Variants in GRXCR1 observed in about 807,000 individuals in gnomAD.
GRXCR1 encodes the protein glutaredoxin domain-containing cysteine-rich protein 1.
A neutral mutation model predicts 27.3 loss-of-function variants in GRXCR1; 27 were observed. The observed-to-expected ratio is 0.99, with a 90% CI of 0.73 to 1.37. The LOEUF is 1.37. Among genes scored for constraint, GRXCR1 ranks in the 40% most tolerant of loss-of-function variants. The probability of loss-of-function intolerance (pLI) is 0.00; values close to 1 mark genes in which losing one functional copy is unlikely to be tolerated. For synonymous variants in GRXCR1, 122 were observed against 131.1 expected (o/e 0.93, Z 0.47); for missense variants, 379 against 354.4 (o/e 1.07, Z -0.56).
intron 2 of GRXCR1, among the ~76,000 whole-genome samples, chr4:42,981,428 C>G (rs1197305302): frequency 6.6e-6 from 1 of 152,036 alleles, no homozygotes; most frequent in South Asian, 2.1e-4. Context: ...TTATGAATTT[C>G]AATAGCTTTG....
At chr4:43,029,714 CTG>C (rs539910521) in intron 3 of GRXCR1, among the ~76,000 whole-genome samples, 1 of 152,076 alleles carries the variant, frequency 6.6e-6, no homozygotes, top group Non-Finnish European at 1.5e-5. Context: ...CTCTAAATTT[CTG>C]TGTTTGTTTT....
At chr4:42,937,929 C>CAATTGAAT (rs772798053) in intron 1 of GRXCR1, among the ~76,000 whole-genome samples, 1 of 151,892 alleles carries the variant, frequency 6.6e-6, no homozygotes, top group African/African-American at 2.4e-5. Flanking sequence ...ATAAACATTT[C>CAATTGAAT]AATTGAATTC....
At chr4:42,918,396 A>T (rs1746934549) in intron 1 of GRXCR1, among the ~76,000 whole-genome samples, 1 of 152,062 alleles carries the variant, frequency 6.6e-6, no homozygotes, top group African/African-American at 2.4e-5. Flanking sequence ...CAAATATTCA[A>T]ACCATAAAGT....
At chr4:43,003,575 T>C (rs941776584) in intron 2 of GRXCR1, among the ~76,000 whole-genome samples, 1 of 152,184 alleles carries the variant, frequency 6.6e-6, no homozygotes, top group Non-Finnish European at 1.5e-5. Flanking sequence ...CAGATGGAGA[T>C]GAGAAACTTC....
At chr4:42,902,369 T>A (rs1663508742) in intron 1 of GRXCR1, among the ~76,000 whole-genome samples, 1 of 152,172 alleles carries the variant, frequency 6.6e-6, no homozygotes, top group African/African-American at 2.4e-5. Flanking sequence ...TGTCCTCTTA[T>A]CAGTTTCTAT....
At chr4:42,960,946 C>G (rs1201477619) in intron 1 of GRXCR1, among the ~76,000 whole-genome samples, 9 of 151,774 alleles carry the variant, frequency 5.9e-5, no homozygotes, top group African/African-American at 2.2e-4. Flanking sequence ...CCACCCATCA[C>G]CTAGGTATTA....
chr4:42,909,816 T>C (rs1746678455), intron 1 of GRXCR1, among the ~76,000 whole-genome samples: 1 of 152,154 alleles, frequency 6.6e-6, no homozygotes, highest in Non-Finnish European at 1.5e-5. Context: ...ATCAAACTTC[T>C]TAATCTGGTG....
At chr4:42,908,065 C>A (rs1746637041) in intron 1 of GRXCR1, among the ~76,000 whole-genome samples, 1 of 152,186 alleles carries the variant, frequency 6.6e-6, no homozygotes, top group Non-Finnish European at 1.5e-5. Flanking sequence ...TGAACTGATG[C>A]ATCAGCCACA....
intron 1 of GRXCR1, among the ~76,000 whole-genome samples, chr4:42,916,648 C>T (rs1746893084): frequency 2.0e-5 from 3 of 152,076 alleles, no homozygotes; most frequent in Admixed American, 1.3e-4. Context: ...CGCACAATTT[C>T]CGTTCACTCC....
rs186485247 is a variant in GRXCR1 at position 42,897,362 on chromosome 4, C to A, written c.384+3712C>A. Reference sequence around the variant, plus strand: ...ATAAACTGTTAGAATATTGTACTGTCATTTCCATAATTTTAATTTCCTTTC... The same window carrying A: ...ATAAACTGTTAGAATATTGTACTGTAATTTCCATAATTTTAATTTCCTTTC... On this transcript the variant is annotated intron_variant, in intron 1 of 3. Coordinates refer to ENST00000399770, the MANE Select transcript of GRXCR1 (RefSeq NM_001080476.3). 8.5e-4 allele frequency among the ~76,000 whole-genome samples: 129 copies of A among 152,110 alleles called. 1 individual carries two copies. The South Asian group carries it at 0.01, about 12-fold the overall frequency.
intron 2 of GRXCR1, among the ~76,000 whole-genome samples, chr4:42,995,831 T>C (rs556450983): frequency 5.3e-5 from 8 of 152,214 alleles, no homozygotes; most frequent in Non-Finnish European, 1.0e-4. Flanking sequence ...GTTTGAAGAA[T>C]TGAGGAATCC....
At chr4:43,002,075 A>G (rs142231202) in intron 2 of GRXCR1, among the ~76,000 whole-genome samples, 19,535 of 151,728 alleles carry the variant, frequency 0.13, 1,239 homozygotes, top group East Asian at 0.37. Context: ...CTCCTATCTC[A>G]GAATCGAACA....
At chr4:42,897,897 A>G (rs1376320) in intron 1 of GRXCR1, among the ~76,000 whole-genome samples, 133,362 of 150,700 alleles carry the variant, frequency 0.88, 59,670 homozygotes, top group South Asian at 0.97. Flanking sequence ...CCAAAAGTTT[A>G]TAAAGTGAAC....
At chr4:42,988,583 A>G (rs1262834418) in intron 2 of GRXCR1, among the ~76,000 whole-genome samples, 2 of 152,240 alleles carry the variant, frequency 1.3e-5, no homozygotes, top group Admixed American at 1.3e-4. Context: ...AGTTATAAGT[A>G]TATTTTTCCT....
At chr4:42,928,805 C>A (rs1392093319) in intron 1 of GRXCR1, among the ~76,000 whole-genome samples, 4 of 151,840 alleles carry the variant, frequency 2.6e-5, no homozygotes, top group African/African-American at 9.7e-5. Context: ...TTGTCTGATC[C>A]CTGACCCTTG....
intron 2 of GRXCR1, among the ~76,000 whole-genome samples, chr4:42,963,435 G>T (rs1748173430): frequency 6.6e-6 from 1 of 151,856 alleles, no homozygotes. Flanking sequence ...GTGGGATAAA[G>T]ACTGTATTTT....
At chr4:42,949,717 A>G (rs1428213428) in intron 1 of GRXCR1, among the ~76,000 whole-genome samples, 1 of 152,118 alleles carries the variant, frequency 6.6e-6, no homozygotes, top group African/African-American at 2.4e-5. Context: ...ACTTCCCTGG[A>G]GTTCAGTGTA....
intron 1 of GRXCR1, among the ~76,000 whole-genome samples, chr4:42,941,167 T>G (rs767084530): frequency 6.7e-6 from 1 of 149,978 alleles, no homozygotes; most frequent in Non-Finnish European, 1.5e-5. Flanking sequence ...TGAGTTGTTG[T>G]GAGAACTAAA....
intron 3 of GRXCR1, among the ~76,000 whole-genome samples, chr4:43,024,326 A>T (rs1256425969): frequency 6.6e-6 from 1 of 151,856 alleles, no homozygotes; most frequent in Non-Finnish European, 1.5e-5. Context: ...GTATGTCAAA[A>T]ATGGCACAGA....
Sources: allele counts gnomAD v4.1 joint callset (sites outside exome capture counted in the v4.1 genomes callset), GRCh38; gene constraint gnomAD v4.1.1; transcripts MANE v1.5; gene names NCBI Gene and HGNC (gene_info 2026-07-23, HGNC 2026-07-21).